PLG: variants seen among roughly 807,000 people sequenced by gnomAD.
PLG encodes the protein plasmin.
PLG carries 41 observed loss-of-function variants against 104.4 expected under a neutral mutation model. The observed-to-expected ratio is 0.39, with a 90% CI of 0.31 to 0.51. PLG has a LOEUF of 0.51. Ranked by LOEUF, PLG falls within the 20% of genes least tolerant of loss-of-function variation. The pLI, the probability that PLG is intolerant of heterozygous loss-of-function variation, is 0.76. For synonymous variants in PLG, 337 were observed against 357.1 expected, an observed-to-expected ratio of 0.94 and a Z score of 0.63; for missense variants, 891 against 1,003.6, an observed-to-expected ratio of 0.89 and a Z score of 1.52.
intron 17 of PLG, among the ~76,000 whole-genome samples, chr6:160,747,272 G>A (rs754343523): frequency 4.6e-5 from 7 of 152,150 alleles, no homozygotes; most frequent in Non-Finnish European, 8.8e-5. Context: ...AACAAGAGAG[G>A]GAACACTTGT....
intron 17 of PLG, among the ~76,000 whole-genome samples, chr6:160,748,120 C>T (rs1212997702): frequency 1.3e-5 from 2 of 151,552 alleles, no homozygotes; most frequent in African/African-American, 2.4e-5. Context: ...GCCTGACCAA[C>T]ACGGTGAAAC....
At position 160,753,598 on chromosome 6, in the gene PLG, G is replaced by A. The variant is rs4252178; in HGVS notation, c.*537G>A. The stretch of plus-strand genomic sequence containing the variant: ...GTTATTGGGAATGAAATCTGTCACC[G>A]ACTGCTTGACTTGAGCCCAGGGGAC... On this transcript the variant is annotated 3_prime_UTR_variant, in exon 19 of 19. Transcript: ENST00000308192. The surrounding 1 kb of genome is among the most constrained non-coding windows in gnomAD (Gnocchi z 5.4). Among the ~76,000 whole-genome samples, 1,502 of 152,214 alleles carry A rather than the reference G, an allele frequency of 9.9e-3. 30 individuals are homozygous for A. The highest frequency in any genetic ancestry group is 0.035 in the African/African-American group (1,439 of 41,518).
intron 17 of PLG, among the ~76,000 whole-genome samples, chr6:160,745,571 T>G (rs547524438): frequency 6.6e-6 from 1 of 152,182 alleles, no homozygotes; most frequent in African/African-American, 2.4e-5. Context: ...CTCTTGAAGG[T>G]AGCATACCAG....
Position 160,752,051 on chromosome 6 carries a change from C to G in PLG, c.2126-64C>G. 1 of 1,467,004 alleles carries G rather than the reference C, an allele frequency of 6.8e-7. No individual in the cohort carries two copies. Among genetic ancestry groups the G allele is most frequent in the Non-Finnish European group, 9.5e-7 (1 of 1,049,646 alleles). 90.9% of individuals were successfully genotyped at this position (1,467,004 alleles called of 1,614,324 possible). On this transcript the variant is annotated intron_variant, in intron 17 of 18. Transcript: ENST00000308192. This position sits in a 1 kb window ranked among gnomAD's most constrained non-coding sequence, Gnocchi z 4.7. The stretch of plus-strand genomic sequence containing the variant: ...GGAGGTCCAGTGCCGCTGCTCTGTT[C>G]TGGAATATCCTCCTGAATGTGTTTT...
intron 17 of PLG, among the ~76,000 whole-genome samples, chr6:160,742,017 AT>A (rs1177873850): frequency 6.6e-6 from 1 of 152,236 alleles, no homozygotes; most frequent in African/African-American, 2.4e-5. Context: ...GCTAAACAGT[AT>A]TCCATGGTGT....
intron 1 of PLG, chr6:160,705,370 C>T (rs1400018231): frequency 2.0e-5 from 3 of 151,754 alleles, no homozygotes; most frequent in Admixed American, 1.3e-4. Flanking sequence ...AAGCAGCTTT[C>T]GGACAGATTC....
chr6:160,708,917 C>T (rs1440403649), intron 3 of PLG, among the ~76,000 whole-genome samples: 1 of 150,912 alleles, frequency 6.6e-6, no homozygotes, highest in Admixed American at 6.6e-5. Flanking sequence ...TTAGTTCTTA[C>T]AAGTAGCAAG....
intron 9 of PLG, among the ~76,000 whole-genome samples, chr6:160,721,452 C>T (rs1456418583): frequency 6.6e-6 from 1 of 152,138 alleles, no homozygotes; most frequent in Non-Finnish European, 1.5e-5. Flanking sequence ...CTAGTTTTAC[C>T]TTAAGTGCAC....
At position 160,731,848 on chromosome 6, in the gene PLG, C is replaced by A; in HGVS notation, c.1542C>A (p.Ser514Arg). The A allele has an allele frequency of 6.2e-7, 1 of 1,614,116 alleles. No individual in the cohort carries two copies. Residue 514 changes from serine (S) to arginine (R), a missense_variant, in exon 12 of 19, where the codon AGC becomes AGA. Physicochemically the swap from Ser to Arg is moderately radical, Grantham distance 110. Transcript: ENST00000308192. This position sits in a 1 kb window ranked among gnomAD's most constrained non-coding sequence, Gnocchi z 5.1. ...DWAAQEPHRH[S>R]IFTPETNPRA... ...CTGCCCAGGAGCCCCATAGACACAG[C>A]ATTTTCACTCCAGAGACAAATCCAC...
chr6:160,707,018 G>A (rs1777540286), intron 2 of PLG, among the ~76,000 whole-genome samples: 1 of 151,992 alleles, frequency 6.6e-6, no homozygotes, highest in South Asian at 2.1e-4. Flanking sequence ...CCCAGATCCA[G>A]AAGAAAGAAC....
In PLG at chr6:160,719,851, C is replaced by T. The variant is rs920215326; in HGVS notation, c.1096+1013C>T. ...TACTTCTACTATGTCACAGATCTCA[C>T]AATACATTGACACTATTTTTGCCCT... is the stretch of plus-strand genomic sequence containing the variant. On this transcript the variant is annotated intron_variant, in intron 9 of 18. Coordinates refer to ENST00000308192, the MANE Select transcript of PLG (RefSeq NM_000301.5). The surrounding 1 kb of genome is among the most constrained non-coding windows in gnomAD (Gnocchi z 4.1). 1.2e-4 allele frequency among the ~76,000 whole-genome samples: 19 copies of T among 152,054 alleles called. No homozygotes were observed. The highest frequency in any genetic ancestry group is 1.2e-3 in the Admixed American group (19 of 15,274).
At position 160,744,342 on chromosome 6, in the gene PLG, T is replaced by C. The variant is rs1285012930; in HGVS notation, c.2125+2925T>C. ...ATTACTGATTCAATTTTGGAGCTCA[T>C]TATTGTTCTGTTCAGGGAATCAATT... is the stretch of plus-strand genomic sequence containing the variant. On this transcript the variant is annotated intron_variant, in intron 17 of 18. Coordinates refer to ENST00000308192, the MANE Select transcript of PLG (RefSeq NM_000301.5). The surrounding 1 kb of genome is among the most constrained non-coding windows in gnomAD (Gnocchi z 4.5). Among the ~76,000 whole-genome samples the C allele has an allele frequency of 6.6e-6, 1 of 152,192 alleles. No homozygotes were observed. The highest frequency in any genetic ancestry group is 2.4e-5 in the African/African-American group (1 of 41,448).
At position 160,726,588 on chromosome 6, in the gene PLG, T is replaced by TAA. The variant is rs34063692; in HGVS notation, c.1256+4030_1256+4031dup. 1.7e-3 allele frequency among the ~76,000 whole-genome samples: 253 copies of TAA among 150,038 alleles called. No individual in the cohort carries two copies. The highest frequency in any genetic ancestry group is 6.9e-3 in the South Asian group (33 of 4,754). On this transcript the variant is annotated intron_variant, in intron 10 of 18. Coordinates refer to ENST00000308192, the MANE Select transcript of PLG (RefSeq NM_000301.5). This position sits in a 1 kb window ranked among gnomAD's most constrained non-coding sequence, Gnocchi z 4.4. ...TATGAGGTTAAAACACCTTTAAATT[T>TAA]AAAAAAAAAAGATTTTATTTGCTAT...
rs4252121 is a variant in PLG at position 160,722,602 on chromosome 6, A to G, written c.1256+35A>G. On this transcript the variant is annotated intron_variant, in intron 10 of 18. Coordinates refer to ENST00000308192, the MANE Select transcript of PLG (RefSeq NM_000301.5). ...TGATTTTTACTGTAAGAGGGGCATC[A>G]GCCAACTGAAATTTCTGTTAAAAGA... The G allele has an allele frequency of 0.028, 44,531 of 1,596,662 alleles. 3,298 individuals are homozygous for G. Among genetic ancestry groups the G allele is most frequent in the African/African-American group, 0.26 (19,263 of 74,460 alleles).
At chr6:160,751,210 T>C (rs959498220) in intron 17 of PLG, among the ~76,000 whole-genome samples, 3 of 152,006 alleles carry the variant, frequency 2.0e-5, no homozygotes, top group Non-Finnish European at 4.4e-5. Context: ...ACTCAGAAAA[T>C]GTTAAGGAAT....
chr6:160,703,930 G>C (rs573509685), intron 1 of PLG, among the ~76,000 whole-genome samples: 1 of 152,142 alleles, frequency 6.6e-6, no homozygotes, highest in South Asian at 2.1e-4. Flanking sequence ...TGCAATGCCC[G>C]GGGAGAGGGA....
intron 5 of PLG, 150 bp from the exon 6 acceptor site, chr6:160,714,643 CA>C: frequency 2.5e-6 from 1 of 403,596 alleles, no homozygotes. Context: ...TCCTTATTGC[CA>C]ATTTTATTGC....
At position 160,735,878 on chromosome 6, in the gene PLG, T is replaced by A. The variant is rs1173505785; in HGVS notation, c.1682-1009T>A. On this transcript the variant is annotated intron_variant, in intron 13 of 18. Transcript: ENST00000308192. The surrounding 1 kb of genome is among the most constrained non-coding windows in gnomAD (Gnocchi z 5.4). The stretch of plus-strand genomic sequence containing the variant: ...AGCACTAGAGAAGATGATTGCATTC[T>A]ATGCCTTGCTTCTTTTTTTAAAAAA... 6.6e-6 allele frequency among the ~76,000 whole-genome samples: 1 copy of A among 152,184 alleles called. No homozygotes were observed. Among genetic ancestry groups the A allele is most frequent in the East Asian group, 1.9e-4 (1 of 5,196 alleles).
chr6:160,710,141 G>T (rs1481026715), intron 3 of PLG, among the ~76,000 whole-genome samples: 1 of 152,160 alleles, frequency 6.6e-6, no homozygotes, highest in East Asian at 1.9e-4. Flanking sequence ...AGATTTTTAT[G>T]AATTCCTCCT....
Sources: allele counts gnomAD v4.1 joint callset (sites outside exome capture counted in the v4.1 genomes callset), GRCh38; gene constraint gnomAD v4.1.1; non-coding constraint Gnocchi (gnomAD v3.1); transcripts MANE v1.5; gene names NCBI Gene and HGNC (gene_info 2026-07-23, HGNC 2026-07-21).